Variants in GSDMC observed in about 807,000 individuals in gnomAD.
The protein encoded by GSDMC is gasdermin C, also known as gasdermin-C.
In GSDMC, 59 loss-of-function variants were observed where a neutral mutation model predicts 58.0. That is an observed-to-expected ratio of 1.02 (90% confidence interval 0.82 to 1.26). The LOEUF is 1.26. Among genes scored for constraint, GSDMC ranks in the 50% most tolerant of loss-of-function variants. GSDMC has a pLI of 0.00. For synonymous variants in GSDMC, 241 were observed against 220.2 expected, an observed-to-expected ratio of 1.09 and a Z score of -0.83; for missense variants, 659 against 598.5, an observed-to-expected ratio of 1.10 and a Z score of -1.06.
At chr8:129,743,771 G>T (rs1460944201), downstream of GSDMC, among the ~76,000 whole-genome samples, 1 of 152,144 alleles carries the variant, frequency 6.6e-6, no homozygotes, top group Non-Finnish European at 1.5e-5. Context: ...CTGTTAAAAT[G>T]GGGTTTATAC....
At chr8:129,706,179 T>A in the GSDMC span, among the ~76,000 whole-genome samples, 1 of 152,106 alleles carries the variant, frequency 6.6e-6, no homozygotes, top group Non-Finnish European at 1.5e-5. Context: ...GTGGATGCAT[T>A]CCAGATTTTC....
chr8:129,768,729 A>C (rs192474456), intron 3 of GSDMC, among the ~76,000 whole-genome samples: 15 of 112,386 alleles, frequency 1.3e-4, no homozygotes, highest in African/African-American at 3.2e-4. Flanking sequence ...CAAGTGAAAC[A>C]AAAAAATATT....
the GSDMC span, among the ~76,000 whole-genome samples, chr8:129,711,404 G>A: frequency 6.6e-6 from 1 of 152,146 alleles, no homozygotes; most frequent in African/African-American, 2.4e-5. Context: ...ACACATTTGG[G>A]AAGGAGCAGA....
intron 5 of GSDMC, 146 bp downstream of exon 5, chr8:129,762,480 G>T: frequency 1.4e-6 from 1 of 692,130 alleles, no homozygotes; most frequent in Non-Finnish European, 2.6e-6. Context: ...TGTGTGCCCT[G>T]GACAGTAAGA....
chr8:129,780,567 A>C (rs1444541046), intron 1 of GSDMC, among the ~76,000 whole-genome samples: 2 of 152,196 alleles, frequency 1.3e-5, no homozygotes, highest in African/African-American at 4.8e-5. Context: ...TCAAGGATGA[A>C]GGAGAAATAA....
chr8:129,765,651 C>A lies in GSDMC; in HGVS notation c.547G>T (p.Ala183Ser), dbSNP rs201944967. 6.2e-7 allele frequency: 1 copy of A among 1,613,478 alleles called. No homozygotes were observed. Among genetic ancestry groups the A allele is most frequent in the Non-Finnish European group, 8.5e-7 (1 of 1,179,524 alleles). The change falls in exon 4 of 14, where the codon GCT becomes TCT. Residue 183 changes from alanine (A) to serine (S), a missense_variant. Physicochemically the swap from Ala to Ser is moderately conservative, Grantham distance 99. Coordinates refer to ENST00000276708, the MANE Select transcript of GSDMC (RefSeq NM_031415.3). ...ACCTTGCCATAGGTAATCCAAAGAG[C>A]AATTTTCCCTAAAATATTCACACTA... ...SSSVNILGKI[A>S]LWITYGKGQG...
chr8:129,729,073 A>G, the GSDMC span: 1 of 638,152 alleles, frequency 1.6e-6, no homozygotes, highest in Non-Finnish European at 3.0e-6. Flanking sequence ...GAAATAACTC[A>G]GTTGAAGCAT....
At chr8:129,757,347 C>T (rs1257066518) in intron 6 of GSDMC, among the ~76,000 whole-genome samples, 1 of 151,838 alleles carries the variant, frequency 6.6e-6, no homozygotes, top group African/African-American at 2.4e-5. Context: ...CAAGATTAAA[C>T]CATGAAGAAA....
chr8:129,710,137 C>A, the GSDMC span, among the ~76,000 whole-genome samples: 1 of 152,048 alleles, frequency 6.6e-6, no homozygotes. Flanking sequence ...TTTCTGGGTG[C>A]TTTGCAAATG....
chr8:129,782,825 T>C (rs1448221335), intron 1 of GSDMC, among the ~76,000 whole-genome samples: 1 of 151,210 alleles, frequency 6.6e-6, no homozygotes, highest in African/African-American at 2.4e-5. Flanking sequence ...TGTTTAAAAA[T>C]AGACAAAGAG....
intron 1 of GSDMC, among the ~76,000 whole-genome samples, chr8:129,778,316 G>A (rs555462969): frequency 6.6e-6 from 1 of 152,204 alleles, no homozygotes; most frequent in African/African-American, 2.4e-5. Flanking sequence ...GAAAGTGAGG[G>A]CAAGTTGGTG....
Position 129,748,706 on chromosome 8 carries a change from G to A in GSDMC, c.1322C>T (p.Pro441Leu), listed in dbSNP as rs149748731. The change falls in exon 14 of 14, where the codon CCC becomes CTC. Residue 441 changes from proline to leucine, a missense_variant. Pro to Leu is a moderately conservative substitution (Grantham distance 98, BLOSUM62 -3). Coordinates refer to ENST00000276708, the MANE Select transcript of GSDMC (RefSeq NM_031415.3). The part of the protein sequence containing the change: ...RSILEPNFRY[P>L]WSIPFTLKPE... ...TTTGAGGGTGAAGGGAATGCTCCAG[G>A]GGTATCTGAAGTTTGGCTCCAGGAT... is the stretch of plus-strand genomic sequence containing the variant. The A allele has an allele frequency of 2.3e-3, 3,587 of 1,557,632 alleles. 7 individuals carry two copies. Among genetic ancestry groups the A allele is most frequent in the Non-Finnish European group, 2.9e-3 (3,339 of 1,154,168 alleles).
chr8:129,738,793 T>C, the GSDMC span, among the ~76,000 whole-genome samples: 756 of 152,176 alleles, frequency 5.0e-3, 7 homozygotes, highest in African/African-American at 0.016. Context: ...ACCCTAGAAC[T>C]TAAAGTATAG....
the GSDMC span, among the ~76,000 whole-genome samples, chr8:129,740,911 C>A: frequency 6.6e-6 from 1 of 152,154 alleles, no homozygotes; most frequent in Non-Finnish European, 1.5e-5. Context: ...CCCAATAAAT[C>A]ATTGCCCAGA....
the GSDMC span, chr8:129,728,988 A>G: frequency 1.5e-6 from 1 of 667,258 alleles, no homozygotes; most frequent in South Asian, 1.5e-5. Context: ...GCTGCGGGAG[A>G]CCAAGAGCTT....
At chr8:129,730,423 A>G in the GSDMC span, 1 of 1,142,918 alleles carries the variant, frequency 8.7e-7, no homozygotes, top group Non-Finnish European at 1.2e-6. Context: ...TCTTTAGTAG[A>G]AATTATTTCC....
At chr8:129,727,948 C>G in the GSDMC span, among the ~76,000 whole-genome samples, 4 of 152,166 alleles carry the variant, frequency 2.6e-5, no homozygotes, top group African/African-American at 7.2e-5. Context: ...CTGCATATGC[C>G]ATTGCTGGGT....
At chr8:129,766,448 T>C (rs565785046) in intron 3 of GSDMC, among the ~76,000 whole-genome samples, 1 of 152,318 alleles carries the variant, frequency 6.6e-6, no homozygotes, top group South Asian at 2.1e-4. Context: ...GTGTCCTAGA[T>C]AACAGTCATG....
chr8:129,749,329 C>T (rs759502856), intron 13 of GSDMC, 123 bp downstream of exon 13: 3 of 689,722 alleles, frequency 4.3e-6, no homozygotes, highest in Non-Finnish European at 7.8e-6. Flanking sequence ...CAGTGGCCAC[C>T]CTGTGATCTG....
Sources: allele counts gnomAD v4.1 joint callset (sites outside exome capture counted in the v4.1 genomes callset), GRCh38; gene constraint gnomAD v4.1.1; transcripts MANE v1.5; gene names NCBI Gene and HGNC (gene_info 2026-07-23, HGNC 2026-07-21).